The following CAST variants were observed in gnomAD, a reference collection of about 807,000 sequenced individuals.
The protein encoded by CAST is MIR583 host.
CAST carries 76 observed loss-of-function variants against 119.6 expected under a neutral mutation model. The observed-to-expected ratio is 0.64, with a 90% CI of 0.53 to 0.77. The LOEUF (loss-of-function observed/expected upper bound fraction) is 0.77. Among genes scored for constraint, CAST ranks in the 30% least tolerant of loss-of-function variants. CAST has a pLI of 0.00. For synonymous variants in CAST, 319 were observed against 331.6 expected, an observed-to-expected ratio of 0.96 and a Z score of 0.41; for missense variants, 953 against 946.5, an observed-to-expected ratio of 1.01 and a Z score of -0.09.
At chr5:96,760,263 T>C (rs543797712) in intron 24 of CAST, among the ~76,000 whole-genome samples, 2 of 152,138 alleles carry the variant, frequency 1.3e-5, no homozygotes, top group Non-Finnish European at 2.9e-5. Flanking sequence ...TTTGCCATTA[T>C]AAGTATTGAT....
chr5:96,279,438 G>T, the CAST span, among the ~76,000 whole-genome samples: 2 of 152,122 alleles, frequency 1.3e-5, no homozygotes, highest in Non-Finnish European at 2.9e-5. Flanking sequence ...TTATTAAAAA[G>T]ATACTCCTTT....
At chr5:96,555,483 A>G (rs1746219822) in intron 1 of CAST, among the ~76,000 whole-genome samples, 1 of 152,184 alleles carries the variant, frequency 6.6e-6, no homozygotes, top group Non-Finnish European at 1.5e-5. Flanking sequence ...TAGTCAAAGA[A>G]AGAGGCGACA....
chr5:96,419,328 A>ATAT, the CAST span, among the ~76,000 whole-genome samples: 5 of 142,316 alleles, frequency 3.5e-5, no homozygotes, highest in Admixed American at 2.1e-4. Context: ...TATATATATA[A>ATAT]AACCTCACTT....
At chr5:96,434,968 G>T in the CAST span, among the ~76,000 whole-genome samples, 1 of 152,240 alleles carries the variant, frequency 6.6e-6, no homozygotes, top group Non-Finnish European at 1.5e-5. Flanking sequence ...GGCTCCGATT[G>T]ATAGCTTTGT....
At chr5:95,967,137 G>C in the CAST span, among the ~76,000 whole-genome samples, 4 of 152,176 alleles carry the variant, frequency 2.6e-5, no homozygotes, top group African/African-American at 9.7e-5. Flanking sequence ...AAACTGAGGA[G>C]TTAGGAAGAC....
upstream of CAST, among the ~76,000 whole-genome samples, chr5:96,523,504 G>A (rs184598816): frequency 2.6e-5 from 4 of 152,268 alleles, no homozygotes; most frequent in South Asian, 2.1e-4. Context: ...TTGTGTGCCC[G>A]ACTCTCTCTT....
the CAST span, among the ~76,000 whole-genome samples, chr5:96,295,510 C>T: frequency 6.6e-6 from 1 of 152,144 alleles, no homozygotes; most frequent in East Asian, 1.9e-4. Context: ...ATATTTGGAA[C>T]AAGAGGTTAG....
the CAST span, among the ~76,000 whole-genome samples, chr5:96,044,967 G>A: frequency 5.3e-5 from 8 of 152,218 alleles, no homozygotes; most frequent in African/African-American, 1.9e-4. Context: ...TGGGAAGTGA[G>A]CTGTAGTAAC....
chr5:96,581,759 C>T (rs914737163), intron 1 of CAST, among the ~76,000 whole-genome samples: 3 of 152,044 alleles, frequency 2.0e-5, no homozygotes, highest in Non-Finnish European at 2.9e-5. Context: ...GACGTGGTGG[C>T]GGGTGCCTGT....
At chr5:96,559,919 A>G (rs1746320730) in intron 1 of CAST, among the ~76,000 whole-genome samples, 1 of 152,188 alleles carries the variant, frequency 6.6e-6, no homozygotes, top group African/African-American at 2.4e-5. Context: ...CCTAAAGAAC[A>G]AAGCTGGAGG....
At chr5:96,459,529 CT>C in the CAST span, among the ~76,000 whole-genome samples, 1 of 152,068 alleles carries the variant, frequency 6.6e-6, no homozygotes, top group Non-Finnish European at 1.5e-5. Flanking sequence ...GCCATGATGG[CT>C]TTTAAAAAAA....
chr5:96,748,285 A>G (rs1380512779), intron 18 of CAST, among the ~76,000 whole-genome samples: 2 of 152,250 alleles, frequency 1.3e-5, no homozygotes, highest in Non-Finnish European at 2.9e-5. Context: ...GGAATGTTTG[A>G]CCAAATAAAC....
chr5:96,451,192 C>T, the CAST span, among the ~76,000 whole-genome samples: 1 of 152,214 alleles, frequency 6.6e-6, no homozygotes, highest in Non-Finnish European at 1.5e-5. Context: ...GACACCTAGT[C>T]TTACACATCT....
the CAST span, among the ~76,000 whole-genome samples, chr5:96,216,669 A>C: frequency 6.6e-6 from 1 of 152,212 alleles, no homozygotes; most frequent in Non-Finnish European, 1.5e-5. Flanking sequence ...GGAAGTCTTC[A>C]AGATCATGGT....
At chr5:96,289,102 GA>G in the CAST span, among the ~76,000 whole-genome samples, 456 of 147,220 alleles carry the variant, frequency 3.1e-3, 9 homozygotes, top group East Asian at 0.035. Flanking sequence ...ATATGATTAA[GA>G]AAAAAAAAAA....
chr5:96,264,399 T>C, the CAST span, among the ~76,000 whole-genome samples: 60 of 152,338 alleles, frequency 3.9e-4, no homozygotes, highest in Middle Eastern at 3.4e-3. Flanking sequence ...TTTTCATTTA[T>C]AACTATAGCC....
the CAST span, among the ~76,000 whole-genome samples, chr5:96,516,837 T>C: frequency 6.6e-6 from 1 of 152,232 alleles, no homozygotes; most frequent in Non-Finnish European, 1.5e-5. Flanking sequence ...AGGATGCTAC[T>C]GGGGAAAATG....
chr5:96,503,531 G>A, the CAST span, among the ~76,000 whole-genome samples: 1 of 152,164 alleles, frequency 6.6e-6, no homozygotes, highest in African/African-American at 2.4e-5. Flanking sequence ...AATCCTCTTT[G>A]CTATCCACAA....
intron 1 of CAST, among the ~76,000 whole-genome samples, chr5:96,535,672 A>C (rs113860228): frequency 0.12 from 16,648 of 144,004 alleles, 1,187 homozygotes; most frequent in Non-Finnish European, 0.17. Flanking sequence ...CTCCTGGGTT[A>C]ACGCCATTCT....
Sources: allele counts gnomAD v4.1 joint callset (sites outside exome capture counted in the v4.1 genomes callset), GRCh38; gene constraint gnomAD v4.1.1; transcripts MANE v1.5; gene names NCBI Gene and HGNC (gene_info 2026-07-23, HGNC 2026-07-21).